The following GPC6 variants were observed in gnomAD, a reference collection of about 807,000 sequenced individuals.
GPC6 encodes the protein glypican-6.
GPC6 carries 14 observed loss-of-function variants against 55.2 expected under a neutral mutation model. That is an observed-to-expected ratio of 0.25 (90% CI 0.17 to 0.40). The LOEUF is 0.40. GPC6 is among the 10% of genes least tolerant of loss of function. GPC6 has a pLI of 1.00. For missense variants in GPC6, 641 were observed against 708.5 expected (o/e 0.90, Z 1.08); for synonymous variants, 278 against 259.6 (o/e 1.07, Z -0.68).
intron 1 of GPC6, among the ~76,000 whole-genome samples, chr13:93,518,367 G>C (rs532830500): frequency 1.3e-4 from 19 of 151,644 alleles, no homozygotes; most frequent in African/African-American, 2.9e-4. Context: ...ATCTAGTTCC[G>C]TCAACTCTTC....
intron 2 of GPC6, among the ~76,000 whole-genome samples, chr13:93,744,602 T>A (rs1158984786): frequency 2.1e-5 from 3 of 144,264 alleles, no homozygotes; most frequent in Admixed American, 7.3e-5. Context: ...AATAGGGTGT[T>A]GTCACCTCAT....
chr13:94,208,790 C>T (rs1285224328), intron 4 of GPC6, among the ~76,000 whole-genome samples: 1 of 145,802 alleles, frequency 6.9e-6, no homozygotes, highest in African/African-American at 2.5e-5. Context: ...CAAGCTGGGC[C>T]TGGTGATGCT....
intron 2 of GPC6, among the ~76,000 whole-genome samples, chr13:93,592,763 A>G (rs910484739): frequency 5.3e-5 from 8 of 152,118 alleles, no homozygotes; most frequent in Admixed American, 3.9e-4. Context: ...AGTAATTGTT[A>G]TAAGGAAAAA....
chr13:93,819,615 T>C (rs1476417869), intron 2 of GPC6, among the ~76,000 whole-genome samples: 3 of 152,152 alleles, frequency 2.0e-5, no homozygotes, highest in Non-Finnish European at 4.4e-5. Context: ...GAAACTGCAA[T>C]GATGAAAGTC....
intron 4 of GPC6, among the ~76,000 whole-genome samples, chr13:94,155,812 C>A (rs1887913313): frequency 6.6e-6 from 1 of 152,138 alleles, no homozygotes; most frequent in South Asian, 2.1e-4. Context: ...CCTTTAGAGA[C>A]TTGTCTTCTG....
At chr13:94,314,400 C>T (rs1236222626) in intron 6 of GPC6, among the ~76,000 whole-genome samples, 3 of 152,178 alleles carry the variant, frequency 2.0e-5, no homozygotes, top group African/African-American at 4.8e-5. Context: ...AACTTTCTGC[C>T]CAAACCTTGA....
intron 3 of GPC6, among the ~76,000 whole-genome samples, chr13:93,942,019 G>A (rs1032867056): frequency 2.6e-5 from 4 of 152,142 alleles, no homozygotes; most frequent in African/African-American, 7.2e-5. Context: ...CCAGCCTTAT[G>A]TAGGGAAGGT....
rs543120425 is a variant in GPC6, at chr13:93,944,249, G to A, written c.712-83480G>A. Reference sequence around the variant, plus strand: ...GACGGAGTCTTGCTCTGTCGCCCAGGCTGGAGTGCAGTGGCGCCATCTCGG... The same window carrying A: ...GACGGAGTCTTGCTCTGTCGCCCAGACTGGAGTGCAGTGGCGCCATCTCGG... On this transcript the variant is annotated intron_variant, in intron 3 of 8. Coordinates refer to ENST00000377047, the MANE Select transcript of GPC6 (RefSeq NM_005708.5). Among the ~76,000 whole-genome samples, 11 of 151,318 alleles carry A rather than the reference G, an allele frequency of 7.3e-5. 1 individual carries two copies. Among genetic ancestry groups the A allele is most frequent in the African/African-American group, 1.9e-4 (8 of 41,212 alleles).
intron 3 of GPC6, among the ~76,000 whole-genome samples, chr13:93,897,186 G>A (rs1876066113): frequency 6.6e-6 from 1 of 151,872 alleles, no homozygotes; most frequent in Non-Finnish European, 1.5e-5. Flanking sequence ...GGAGGAGAGT[G>A]ATGAAGAAAG....
At chr13:93,297,243 G>T (rs1878526269) in intron 1 of GPC6, among the ~76,000 whole-genome samples, 1 of 152,080 alleles carries the variant, frequency 6.6e-6, no homozygotes, top group Non-Finnish European at 1.5e-5. Flanking sequence ...GACCAGCCTT[G>T]GCACTATGTT....
intron 2 of GPC6, among the ~76,000 whole-genome samples, chr13:93,550,599 A>T (rs1207086053): frequency 6.6e-6 from 1 of 152,150 alleles, no homozygotes; most frequent in Admixed American, 6.6e-5. Context: ...TTACACTGCA[A>T]ATCTGCTTGT....
intron 1 of GPC6, among the ~76,000 whole-genome samples, chr13:93,393,513 A>G (rs1025456810): frequency 3.3e-5 from 5 of 152,124 alleles, no homozygotes; most frequent in Non-Finnish European, 7.4e-5. Context: ...TTTTAGTAAT[A>G]CAACATTCAG....
Position 94,051,748 on chromosome 13 carries a change from A to G in GPC6, c.877+23854A>G, listed in dbSNP as rs535050327. Among the ~76,000 whole-genome samples the G allele has an allele frequency of 9.7e-4, 147 of 152,280 alleles. 1 individual carries two copies. The highest frequency in any genetic ancestry group is 3.4e-3 in the African/African-American group (141 of 41,576). The stretch of plus-strand genomic sequence containing the variant: ...GCACAGATTCTGTGGCACTTTCAAC[A>G]TGGCTTCAAGGAGATTTTTGTCTTA... On this transcript the variant is annotated intron_variant, in intron 4 of 8. Coordinates refer to ENST00000377047, the MANE Select transcript of GPC6 (RefSeq NM_005708.5).
At chr13:94,113,848 C>T (rs1357086738) in intron 4 of GPC6, among the ~76,000 whole-genome samples, 2 of 151,612 alleles carry the variant, frequency 1.3e-5, no homozygotes, top group East Asian at 3.9e-4. Flanking sequence ...TTGTGAAACC[C>T]TGTCTCTACT....
rs200558194 is a variant in GPC6 at position 93,283,421 on chromosome 13, A to AT, written c.160+55805_160+55806insT. 2.7e-3 allele frequency among the ~76,000 whole-genome samples: 405 copies of AT among 152,308 alleles called. 3 individuals are homozygous for AT. The highest frequency in any genetic ancestry group is 9.2e-3 in the African/African-American group (382 of 41,564). On this transcript the variant is annotated intron_variant, in intron 1 of 8. Transcript: ENST00000377047. ...TGAGTTCATCTGGGCTTGAGCTACT[A>AT]CGGGCTGCTATCAGTAATTCATTAG...
chr13:93,505,864 G>T (rs1334931435), intron 1 of GPC6, among the ~76,000 whole-genome samples: 1 of 152,158 alleles, frequency 6.6e-6, no homozygotes, highest in Non-Finnish European at 1.5e-5. Flanking sequence ...TTGGGACATA[G>T]GAATAAATTG....
intron 3 of GPC6, among the ~76,000 whole-genome samples, chr13:93,953,542 A>G (rs1282525233): frequency 6.6e-6 from 1 of 152,106 alleles, no homozygotes; most frequent in African/African-American, 2.4e-5. Context: ...CATTCTAGCA[A>G]CTTTCTTTTT....
At chr13:93,801,825 C>T (rs527852868) in intron 2 of GPC6, among the ~76,000 whole-genome samples, 132 of 152,260 alleles carry the variant, frequency 8.7e-4, no homozygotes, top group Non-Finnish European at 1.5e-3. Context: ...GCTTCATTTC[C>T]CTGACTTCCT....
chr13:94,067,098 C>T (rs75369153), intron 4 of GPC6, among the ~76,000 whole-genome samples: 4,369 of 152,096 alleles, frequency 0.029, 192 homozygotes, highest in South Asian at 0.089. Context: ...ACCTTCTTTG[C>T]GACTAATGAG....
Sources: allele counts gnomAD v4.1 joint callset (sites outside exome capture counted in the v4.1 genomes callset), GRCh38; gene constraint gnomAD v4.1.1; transcripts MANE v1.5; gene names NCBI Gene and HGNC (gene_info 2026-07-23, HGNC 2026-07-21).